The following ZNF25 variants were observed in gnomAD, a reference collection of about 807,000 sequenced individuals.
The protein encoded by ZNF25 is zinc finger protein 25.
Under a neutral mutation model 30.9 loss-of-function variants are expected in ZNF25, and 21 were observed. That is an observed-to-expected ratio of 0.68 (90% CI 0.48 to 0.98). The LOEUF (loss-of-function observed/expected upper bound fraction) is 0.98. Ranked by LOEUF, ZNF25 falls within the 50% of genes least tolerant of loss-of-function variation. ZNF25 has a pLI of 0.00. For missense variants in ZNF25, 501 were observed against 529.9 expected (o/e 0.95, Z 0.54); for synonymous variants, 169 against 181.3 (o/e 0.93, Z 0.55).
intron 1 of ZNF25, among the ~76,000 whole-genome samples, chr10:37,975,559 C>T (rs1476971207): frequency 2.0e-5 from 3 of 152,120 alleles, no homozygotes; most frequent in Non-Finnish European, 4.4e-5. Context: ...GTCCCATTTC[C>T]TGTCTTTAGA....
intron 2 of ZNF25, among the ~76,000 whole-genome samples, chr10:37,964,929 T>C (rs2063098935): frequency 6.6e-6 from 1 of 152,118 alleles, no homozygotes; most frequent in African/African-American, 2.4e-5. Context: ...GGAGGAATGG[T>C]TTCAGGGGCC....
chr10:37,974,876 G>GC (rs1423866511), intron 1 of ZNF25, among the ~76,000 whole-genome samples: 1 of 152,106 alleles, frequency 6.6e-6, no homozygotes, highest in Non-Finnish European at 1.5e-5. Context: ...ACCCATCAAT[G>GC]CATGAATAGA....
chr10:37,954,794 G>T (rs2062412320), intron 4 of ZNF25, among the ~76,000 whole-genome samples: 2 of 152,092 alleles, frequency 1.3e-5, no homozygotes, highest in South Asian at 4.2e-4. Flanking sequence ...CAATGGTGGG[G>T]AATACATAAG....
chr10:37,972,950 C>T (rs1455166937), intron 1 of ZNF25, among the ~76,000 whole-genome samples: 1 of 151,994 alleles, frequency 6.6e-6, no homozygotes, highest in Non-Finnish European at 1.5e-5. Flanking sequence ...GGTGAATCAC[C>T]TGAGGTTGGG....
Position 37,953,034 on chromosome 10 carries a change from A to G in ZNF25, c.464T>C (p.Phe155Ser). ...TCTTATGAGGTCTTCATTTTTAGAG[A>G]AAGATTTCCCACATTTATCACAGTC... ...SYDCDKCGKS[F>S]SKNEDLIRHQ... The change falls in exon 6 of 6, where the codon TTC becomes TCC. Residue 155 changes from phenylalanine (F) to serine (S), a missense_variant. By Grantham distance (155) the Phe-to-Ser change is radical (BLOSUM62 -2). Transcript: ENST00000302609. 1 of 1,613,906 alleles carries G rather than the reference A, an allele frequency of 6.2e-7. No individual in the cohort carries two copies. Among genetic ancestry groups the G allele is most frequent in the South Asian group, 1.1e-5 (1 of 91,066 alleles).
Position 37,953,376 on chromosome 10 carries a change from C to A in ZNF25, c.303-181G>T, listed in dbSNP as rs1185155813. The A allele has an allele frequency of 6.2e-6, 4 of 642,630 alleles. No individual in the cohort carries two copies. The East Asian group carries it at 8.3e-5, about 13-fold the overall frequency. 39.8% of individuals were successfully genotyped at this position (642,630 alleles called of 1,614,324 possible). A position where few individuals can be genotyped will look rare whatever the true frequency, so the allele number is the denominator to read the frequency against. On this transcript the variant is annotated intron_variant, in intron 5 of 5. Transcript: ENST00000302609. ...TTCTCTGACCTGCACTGTAGTTTAA[C>A]ATTTGGTAAGGTGAATCTGCATTTG...
Position 37,949,782 on chromosome 10 carries a change from A to G in ZNF25, c.*2345T>C, listed in dbSNP as rs1009461695. 5.9e-5 allele frequency: 9 copies of G among 152,764 alleles called. No homozygotes were observed. The highest frequency in any genetic ancestry group is 3.4e-3 in the Middle Eastern group (1 of 294). 9.5% of individuals were successfully genotyped at this position (152,764 alleles called of 1,614,324 possible). On this transcript the variant is annotated 3_prime_UTR_variant, in exon 6 of 6. Coordinates refer to ENST00000302609, the MANE Select transcript of ZNF25 (RefSeq NM_145011.4). Reference sequence around the variant, plus strand: ...TATCTTATGGGATAGAAAGAAAATTATAAAATGATACAGGGAAAACTGGCC... The same window carrying G: ...TATCTTATGGGATAGAAAGAAAATTGTAAAATGATACAGGGAAAACTGGCC...
chr10:37,976,024 G>A lies in ZNF25; in HGVS notation c.-86+482C>T, dbSNP rs577176016. Among the ~76,000 whole-genome samples, 536 of 152,320 alleles carry A rather than the reference G, an allele frequency of 3.5e-3. 3 individuals carry two copies. Among genetic ancestry groups the A allele is most frequent in the African/African-American group, 0.012 (510 of 41,570 alleles). ...GAAAGGATGGTTACGATGATTAAATGAGCCAATAATGAAAACAGCATGTTT... is the reference window on the plus strand; with the variant it reads ...GAAAGGATGGTTACGATGATTAAATAAGCCAATAATGAAAACAGCATGTTT... On this transcript the variant is annotated intron_variant, in intron 1 of 5. Transcript: ENST00000302609.
At chr10:37,968,955 A>G (rs1688061564) in intron 2 of ZNF25, among the ~76,000 whole-genome samples, 1 of 152,186 alleles carries the variant, frequency 6.6e-6, no homozygotes, top group African/African-American at 2.4e-5. Context: ...GCATATACCA[A>G]TTGATGACAG....
At position 37,952,675 on chromosome 10, in the gene ZNF25, C is replaced by T; in HGVS notation, c.823G>A (p.Val275Ile). 1.2e-6 allele frequency: 2 copies of T among 1,612,428 alleles called. No individual in the cohort carries two copies. Among genetic ancestry groups the T allele is most frequent in the Non-Finnish European group, 1.7e-6 (2 of 1,179,488 alleles). The change falls in exon 6 of 6, where the codon GTA becomes ATA. Residue 275 changes from valine (V) to isoleucine (I), a missense_variant. Val to Ile is a conservative substitution (Grantham distance 29). Coordinates refer to ENST00000302609, the MANE Select transcript of ZNF25 (RefSeq NM_145011.4). ...TCCCCTGTGTGCATTCTCTGATGTA[C>T]TGTGAGGTGTGACTTCTGGGAAAAG... ...KAFSQKSHLT[V>I]HQRMHTGEKP...
At chr10:37,975,201 A>G (rs990307817) in intron 1 of ZNF25, among the ~76,000 whole-genome samples, 1 of 152,222 alleles carries the variant, frequency 6.6e-6, no homozygotes, top group Non-Finnish European at 1.5e-5. Context: ...TCAATAGCAC[A>G]GTATGGTTAC....
intron 1 of ZNF25, among the ~76,000 whole-genome samples, chr10:37,972,721 C>A (rs2063558775): frequency 6.6e-6 from 1 of 152,266 alleles, no homozygotes; most frequent in East Asian, 1.9e-4. Flanking sequence ...AGAAACCATG[C>A]AGGGCATCCA....
intron 4 of ZNF25, among the ~76,000 whole-genome samples, chr10:37,953,981 T>A (rs2062351881): frequency 1.3e-5 from 2 of 152,192 alleles, no homozygotes; most frequent in African/African-American, 4.8e-5. Context: ...CTGACATTTT[T>A]ACAAATGTGA....
At position 37,952,590 on chromosome 10, in the gene ZNF25, G is replaced by A. The variant is rs2062222194; in HGVS notation, c.908C>T (p.Thr303Ile). 2 of 1,611,710 alleles carry A rather than the reference G, an allele frequency of 1.2e-6. No homozygotes were observed. Among genetic ancestry groups the A allele is most frequent in the South Asian group, 1.1e-5 (1 of 90,974 alleles). Reference protein sequence around the residue: ...KFFSRNSHLKTHQRSHTGEKP... With the variant: ...KFFSRNSHLKIHQRSHTGEKP... ...CTCTCCTGTGTGACTTCTCTGATGA[G>A]TTTTGAGGTGTGAATTCCTAGAGAA... Residue 303 changes from threonine to isoleucine, a missense_variant, in exon 6 of 6, where the codon ACT becomes ATT. Physicochemically the swap from Thr to Ile is moderately conservative, Grantham distance 89. Coordinates refer to ENST00000302609, the MANE Select transcript of ZNF25 (RefSeq NM_145011.4).
chr10:37,961,499 G>A (rs1277358711), intron 2 of ZNF25, among the ~76,000 whole-genome samples: 1 of 151,852 alleles, frequency 6.6e-6, no homozygotes, highest in African/African-American at 2.4e-5. Flanking sequence ...ATTCAAGGAT[G>A]ATAAAAAGAG....
chr10:37,970,646 C>A (rs1040854147), intron 2 of ZNF25, among the ~76,000 whole-genome samples: 7 of 152,120 alleles, frequency 4.6e-5, no homozygotes, highest in African/African-American at 1.7e-4. Context: ...TCAATGTTTT[C>A]TACAGTCTAC....
intron 1 of ZNF25, among the ~76,000 whole-genome samples, chr10:37,972,102 G>C (rs898425032): frequency 6.6e-6 from 1 of 152,096 alleles, no homozygotes; most frequent in Non-Finnish European, 1.5e-5. Context: ...CCAAAGTATG[G>C]AGCCCTTTGC....
chr10:37,964,898 C>G (rs1208653), intron 2 of ZNF25, among the ~76,000 whole-genome samples: 40,225 of 152,002 alleles, frequency 0.26, 6,538 homozygotes, highest in South Asian at 0.49. Context: ...CTCTGCCTTC[C>G]ATCACAGGCC....
chr10:37,972,067 T>G (rs1395058041), intron 1 of ZNF25, among the ~76,000 whole-genome samples: 1 of 152,228 alleles, frequency 6.6e-6, no homozygotes, highest in East Asian at 1.9e-4. Context: ...CAATAATGAC[T>G]GATTAAATAA....
Sources: allele counts gnomAD v4.1 joint callset (sites outside exome capture counted in the v4.1 genomes callset), GRCh38; gene constraint gnomAD v4.1.1; transcripts MANE v1.5; gene names NCBI Gene and HGNC (gene_info 2026-07-23, HGNC 2026-07-21).